Variants in HS3ST3A1 observed in about 807,000 individuals in gnomAD.
HS3ST3A1 encodes the protein heparan sulfate glucosamine 3-O-sulfotransferase 3A1.
A neutral mutation model predicts 25.7 loss-of-function variants in HS3ST3A1; 19 were observed. The ratio of observed to expected loss-of-function variants is 0.74; its 90% CI spans 0.52 to 1.08. The LOEUF is 1.08. Ranked by LOEUF, HS3ST3A1 falls within the 50% of genes least tolerant of loss-of-function variation. The pLI, the probability that HS3ST3A1 is intolerant of heterozygous loss-of-function variation, is 0.00. For synonymous variants in HS3ST3A1, 226 were observed against 278.6 expected (o/e 0.81, Z 1.88); for missense variants, 459 against 594.3 (o/e 0.77, Z 2.37).
chr17:13,585,575 T>C (rs1908237056), intron 1 of HS3ST3A1, among the ~76,000 whole-genome samples: 1 of 151,944 alleles, frequency 6.6e-6, no homozygotes, highest in Non-Finnish European at 1.5e-5. Flanking sequence ...CACTAAACAT[T>C]TCTGCATGCA....
At chr17:13,555,651 A>G (rs1031094001) in intron 1 of HS3ST3A1, among the ~76,000 whole-genome samples, 1 of 152,206 alleles carries the variant, frequency 6.6e-6, no homozygotes, top group East Asian at 1.9e-4. Flanking sequence ...CAAACACAAC[A>G]TGATTTCTCT....
rs28538092 is a variant in HS3ST3A1, at chr17:13,547,734, T to G, written c.600-50916A>C. Reference sequence around the variant, plus strand: ...ATTATTGAACCTAAGAAAGGGGTTATGAGAACCCTTGATATTTAGCCAGTC... The same window carrying G: ...ATTATTGAACCTAAGAAAGGGGTTAGGAGAACCCTTGATATTTAGCCAGTC... On this transcript the variant is annotated intron_variant, in intron 1 of 1. Coordinates refer to ENST00000284110, the MANE Select transcript of HS3ST3A1 (RefSeq NM_006042.3). 5.7e-3 allele frequency among the ~76,000 whole-genome samples: 865 copies of G among 152,230 alleles called. 9 individuals carry two copies. Among genetic ancestry groups the G allele is most frequent in the African/African-American group, 0.019 (808 of 41,528 alleles).
chr17:13,496,852 C>T, intron 1 of HS3ST3A1, 34 bp from the exon 2 acceptor site: 1 of 1,596,156 alleles, frequency 6.3e-7, no homozygotes, highest in Non-Finnish European at 8.5e-7. Flanking sequence ...CAGAGATGTG[C>T]AGAGAGAGCT....
intron 1 of HS3ST3A1, among the ~76,000 whole-genome samples, chr17:13,593,886 C>T (rs1215498594): frequency 6.6e-6 from 1 of 152,128 alleles, no homozygotes; most frequent in East Asian, 1.9e-4. Context: ...ATACACTATC[C>T]ACATTTCCCC....
In HS3ST3A1 at chr17:13,592,871, G is replaced by C. The variant is rs142093566; in HGVS notation, c.599+7660C>G. On this transcript the variant is annotated intron_variant, in intron 1 of 1. Coordinates refer to ENST00000284110, the MANE Select transcript of HS3ST3A1 (RefSeq NM_006042.3). ...AGCACACCACCTAGACAGGAACTTT[G>C]AGTCTGATAAAGCTGGGAGTCTGGC... Among the ~76,000 whole-genome samples the C allele has an allele frequency of 1.3e-3, 202 of 152,224 alleles. 1 individual carries two copies. The highest frequency in any genetic ancestry group is 4.4e-3 in the African/African-American group (182 of 41,536).
rs976088632 is a variant in HS3ST3A1 at position 13,600,957 on chromosome 17, C to T, written c.173G>A (p.Gly58Asp). Residue 58 changes from glycine to aspartate, a missense_variant, in exon 1 of 2, where the codon GGC becomes GAC. Physicochemically the swap from Gly to Asp is moderately conservative, Grantham distance 94. Coordinates refer to ENST00000284110, the MANE Select transcript of HS3ST3A1 (RefSeq NM_006042.3). ...AGGGGCCCCCGCCTCCTCGCCGCCG[C>T]CGGACAGCCCCACGACGGGGCCGGA... is the stretch of plus-strand genomic sequence containing the variant. ...TLSGPVVGLS[G>D]GGEEAGAPGG... is the part of the protein sequence containing the mutation. The T allele has an allele frequency of 6.5e-7, 1 of 1,541,450 alleles. No individual in the cohort carries two copies. The highest frequency in any genetic ancestry group is 1.4e-5 in the African/African-American group (1 of 71,064).
intron 1 of HS3ST3A1, among the ~76,000 whole-genome samples, chr17:13,586,820 A>G (rs1908282001): frequency 7.2e-6 from 1 of 138,318 alleles, no homozygotes; most frequent in Admixed American, 7.5e-5. Flanking sequence ...CAGTGAGCAG[A>G]GATCAAGCCA....
chr17:13,545,621 G>A (rs760458097), intron 1 of HS3ST3A1, among the ~76,000 whole-genome samples: 2 of 152,074 alleles, frequency 1.3e-5, no homozygotes, highest in Non-Finnish European at 2.9e-5. Flanking sequence ...CTGGAGCTGC[G>A]GCTGCATCAC....
At chr17:13,517,797 G>A (rs1478926332) in intron 1 of HS3ST3A1, among the ~76,000 whole-genome samples, 6 of 152,046 alleles carry the variant, frequency 3.9e-5, no homozygotes, top group Non-Finnish European at 7.4e-5. Flanking sequence ...GATTACAGGC[G>A]CCTGCCACCA....
intron 1 of HS3ST3A1, among the ~76,000 whole-genome samples, chr17:13,548,581 T>C (rs1374889790): frequency 1.3e-5 from 2 of 152,182 alleles, no homozygotes; most frequent in Non-Finnish European, 2.9e-5. Context: ...ATTCTTAGAC[T>C]TCACTGGCAG....
At chr17:13,508,641 T>C (rs1329647610) in intron 1 of HS3ST3A1, among the ~76,000 whole-genome samples, 3 of 152,338 alleles carry the variant, frequency 2.0e-5, no homozygotes, top group East Asian at 1.9e-4. Context: ...AGATGTAAAA[T>C]ACCATTTCTA....
intron 1 of HS3ST3A1, among the ~76,000 whole-genome samples, chr17:13,574,411 C>A (rs1907897003): frequency 6.6e-6 from 1 of 151,172 alleles, no homozygotes; most frequent in Admixed American, 6.6e-5. Context: ...GCCACTGCGC[C>A]CGGCCCTATC....
intron 1 of HS3ST3A1, among the ~76,000 whole-genome samples, chr17:13,500,321 T>C (rs557167077): frequency 2.0e-5 from 3 of 152,220 alleles, no homozygotes; most frequent in Non-Finnish European, 2.9e-5. Context: ...TACTTTTGCA[T>C]CAACCTAACA....
At chr17:13,540,823 G>A (rs1002846592) in intron 1 of HS3ST3A1, among the ~76,000 whole-genome samples, 8 of 152,202 alleles carry the variant, frequency 5.3e-5, no homozygotes, top group African/African-American at 1.7e-4. Flanking sequence ...AAAGGGAAAG[G>A]CAGAAGGGAT....
Position 13,600,886 on chromosome 17 carries a change from GCC to G in HS3ST3A1, c.242_243del (p.Trp81SerfsTer293). The G allele has an allele frequency of 6.8e-7, 1 of 1,479,154 alleles. No homozygotes were observed. Among genetic ancestry groups the G allele is most frequent in the Non-Finnish European group, 8.9e-7 (1 of 1,122,100 alleles). 91.6% of individuals were successfully genotyped at this position (1,479,154 alleles called of 1,614,324 possible). A position where few individuals can be genotyped will look rare whatever the true frequency, so the allele number is the denominator to read the frequency against. On this transcript the variant is annotated frameshift_variant, in exon 1 of 2. Coordinates refer to ENST00000284110, the MANE Select transcript of HS3ST3A1 (RefSeq NM_006042.3). LOFTEE classifies it high-confidence loss of function. ...LAGGPRELAV[W>X]PAAAQRKRLL... ...AGGCGCTTTCTCTGTGCCGCCGCCG[GCC>G]ACACCGCCAGCTCCCTCGGGCCTCC...
intron 1 of HS3ST3A1, among the ~76,000 whole-genome samples, chr17:13,569,163 A>C (rs186759436): frequency 2.2e-4 from 34 of 152,170 alleles, no homozygotes; most frequent in Middle Eastern, 3.4e-3. Context: ...CCAGCTTTCA[A>C]CCCAGGTCTT....
chr17:13,560,762 G>T (rs1907522871), intron 1 of HS3ST3A1, among the ~76,000 whole-genome samples: 1 of 152,118 alleles, frequency 6.6e-6, no homozygotes, highest in Non-Finnish European at 1.5e-5. Flanking sequence ...TAGAGAATCT[G>T]GTTTGGAACT....
At chr17:13,562,451 T>C (rs1907574746) in intron 1 of HS3ST3A1, among the ~76,000 whole-genome samples, 1 of 152,122 alleles carries the variant, frequency 6.6e-6, no homozygotes, top group African/African-American at 2.4e-5. Flanking sequence ...CCCTATCCAA[T>C]TCCTGACATT....
At chr17:13,545,599 T>C (rs750956716) in intron 1 of HS3ST3A1, among the ~76,000 whole-genome samples, 11 of 152,222 alleles carry the variant, frequency 7.2e-5, no homozygotes, top group Non-Finnish European at 8.8e-5. Flanking sequence ...AGGACACCAG[T>C]GTTTGCTGAT....
Sources: gnomAD v4.1 joint callset for allele counts (sites outside exome capture counted in the v4.1 genomes callset) on GRCh38, gnomAD v4.1.1 for gene constraint, MANE v1.5 for transcripts, NCBI Gene and HGNC (gene_info 2026-07-23, HGNC 2026-07-21) for gene names.